Variants in ABTB3 observed in about 807,000 individuals in gnomAD.
The protein encoded by ABTB3 is ankyrin repeat and BTB domain containing 3, also known as ankyrin repeat- and BTB/POZ domain-containing protein 3.
chr12:107,482,989 C>CTTTCTTTCT, the ABTB3 span, among the ~76,000 whole-genome samples: 15 of 17,310 alleles, frequency 8.7e-4, no homozygotes, highest in Non-Finnish European at 1.3e-3. Context: ...TCTTTCTTTC[C>CTTTCTTTCT]TTCCTTCCTT....
the ABTB3 span, among the ~76,000 whole-genome samples, chr12:107,560,918 T>C: frequency 6.6e-6 from 1 of 152,198 alleles, no homozygotes; most frequent in Non-Finnish European, 1.5e-5. Context: ...TGTGGCTCTA[T>C]CTTATGTTTT....
At chr12:107,438,196 T>G in the ABTB3 span, among the ~76,000 whole-genome samples, 2 of 152,096 alleles carry the variant, frequency 1.3e-5, no homozygotes, top group Non-Finnish European at 2.9e-5. Context: ...CACTGTGAAC[T>G]CTCTATGTGA....
chr12:107,569,463 C>T, the ABTB3 span, among the ~76,000 whole-genome samples: 1 of 152,110 alleles, frequency 6.6e-6, no homozygotes, highest in Non-Finnish European at 1.5e-5. Flanking sequence ...CAAATTCAAC[C>T]TCCTGTGGCA....
At chr12:107,539,963 T>C in the ABTB3 span, among the ~76,000 whole-genome samples, 101 of 152,314 alleles carry the variant, frequency 6.6e-4, no homozygotes, top group African/African-American at 2.3e-3. Context: ...CCTTCCTTGA[T>C]GCTTTTAAAA....
the ABTB3 span, among the ~76,000 whole-genome samples, chr12:107,505,814 A>T: frequency 2.0e-5 from 3 of 152,180 alleles, no homozygotes; most frequent in African/African-American, 7.2e-5. Flanking sequence ...GTGTTAGTTA[A>T]GGATAATGGC....
At chr12:107,321,590 G>A in the ABTB3 span, among the ~76,000 whole-genome samples, 1 of 136,276 alleles carries the variant, frequency 7.3e-6, no homozygotes, top group African/African-American at 2.9e-5. Context: ...TCAAAGAGAG[G>A]ATATCTTCGA....
the ABTB3 span, chr12:107,520,260 C>A: frequency 1.0e-6 from 1 of 985,172 alleles, no homozygotes; most frequent in Non-Finnish European, 1.2e-6. Context: ...CAGACGAATG[C>A]CCACATGCTT....
At chr12:107,453,162 A>C in the ABTB3 span, among the ~76,000 whole-genome samples, 5 of 152,194 alleles carry the variant, frequency 3.3e-5, no homozygotes, top group African/African-American at 1.2e-4. Context: ...GGCTGGCTGG[A>C]TAATCAGGAG....
the ABTB3 span, among the ~76,000 whole-genome samples, chr12:107,469,938 CTTTCTCTT>C: frequency 7.7e-5 from 7 of 90,808 alleles, no homozygotes; most frequent in Admixed American, 2.2e-4. Flanking sequence ...CTCTCTCTTT[CTTTCTCTT>C]TCTTTCTTTC....
At chr12:107,560,041 G>GTA in the ABTB3 span, among the ~76,000 whole-genome samples, 1 of 151,962 alleles carries the variant, frequency 6.6e-6, no homozygotes, top group Non-Finnish European at 1.5e-5. Context: ...GTTACACTGT[G>GTA]TATATATAAT....
the ABTB3 span, among the ~76,000 whole-genome samples, chr12:107,469,968 C>A: frequency 1.3e-5 from 1 of 74,500 alleles, no homozygotes; most frequent in African/African-American, 8.7e-5. Context: ...TTCTTTCTTT[C>A]TTTCTTTCTT....
chr12:107,637,784 TTTTGTG>T, the ABTB3 span, among the ~76,000 whole-genome samples: 5 of 94,724 alleles, frequency 5.3e-5, no homozygotes, highest in African/African-American at 2.4e-4. Flanking sequence ...AGAGCACTGA[TTTTGTG>T]TGTGTGTGTG....
chr12:107,533,013 A>C, the ABTB3 span, among the ~76,000 whole-genome samples: 3 of 152,220 alleles, frequency 2.0e-5, no homozygotes. Flanking sequence ...CCTGCCCTAC[A>C]AGAAATGCTT....
chr12:107,636,276 A>G, the ABTB3 span, among the ~76,000 whole-genome samples: 4 of 152,176 alleles, frequency 2.6e-5, no homozygotes, highest in African/African-American at 7.2e-5. Context: ...TACAAAAAGG[A>G]GAAGGAATAT....
chr12:107,423,129 C>A, the ABTB3 span, among the ~76,000 whole-genome samples: 1 of 152,132 alleles, frequency 6.6e-6, no homozygotes, highest in Non-Finnish European at 1.5e-5. Context: ...TCCCTTCCCC[C>A]CTAAAGTTGT....
At chr12:107,321,801 C>T in the ABTB3 span, among the ~76,000 whole-genome samples, 3 of 152,186 alleles carry the variant, frequency 2.0e-5, no homozygotes, top group African/African-American at 7.2e-5. Flanking sequence ...TAATTTCCTT[C>T]CTGGTGGCTC....
chr12:107,659,441 G>A, the ABTB3 span: 7 of 152,346 alleles, frequency 4.6e-5, no homozygotes, highest in South Asian at 2.1e-4. Context: ...TGTGCATTGC[G>A]GCTGTCACCT....
At chr12:107,461,666 T>C in the ABTB3 span, among the ~76,000 whole-genome samples, 1 of 152,238 alleles carries the variant, frequency 6.6e-6, no homozygotes, top group Non-Finnish European at 1.5e-5. Flanking sequence ...TTAAGACTTG[T>C]ATTGCAGATT....
At chr12:107,566,856 T>C in the ABTB3 span, among the ~76,000 whole-genome samples, 3 of 152,148 alleles carry the variant, frequency 2.0e-5, no homozygotes, top group African/African-American at 7.2e-5. Flanking sequence ...AGCACACCTG[T>C]AATTCCAACA....
Sources: allele counts gnomAD v4.1 joint callset (sites outside exome capture counted in the v4.1 genomes callset), GRCh38; gene constraint gnomAD v4.1.1; transcripts MANE v1.5; gene names NCBI Gene and HGNC (gene_info 2026-07-23, HGNC 2026-07-21).